Variants in DENND4C observed in about 807,000 individuals in gnomAD.
DENND4C encodes DENN domain-containing protein 4C.
DENND4C carries 108 observed loss-of-function variants against 203.0 expected under a neutral mutation model. That is an observed-to-expected ratio of 0.53 (90% CI 0.46 to 0.62). The LOEUF (loss-of-function observed/expected upper bound fraction) is 0.62, where lower values mean the gene tolerates loss of function less well. Among genes scored for constraint, DENND4C ranks in the 20% least tolerant of loss-of-function variants. DENND4C has a pLI of 0.00. For missense variants in DENND4C, 2,481 were observed against 2,301.2 expected, an observed-to-expected ratio of 1.08 and a Z score of -1.60; for synonymous variants, 871 against 792.4, an observed-to-expected ratio of 1.10 and a Z score of -1.67.
intron 30 of DENND4C, among the ~76,000 whole-genome samples, chr9:19,362,785 G>A (rs905682516): frequency 6.6e-6 from 1 of 152,100 alleles, no homozygotes; most frequent in African/African-American, 2.4e-5. Flanking sequence ...AAGGGTTCTG[G>A]CTTCATTTTT....
chr9:19,285,068 A>AT (rs1834914243), intron 2 of DENND4C, among the ~76,000 whole-genome samples: 1 of 151,902 alleles, frequency 6.6e-6, no homozygotes, highest in African/African-American at 2.4e-5. Flanking sequence ...ACAGAATTTT[A>AT]TTTTTTTCCA....
At chr9:19,364,059 C>T (rs1020239071) in intron 30 of DENND4C, among the ~76,000 whole-genome samples, 23 of 151,904 alleles carry the variant, frequency 1.5e-4, no homozygotes, top group African/African-American at 2.9e-4. Flanking sequence ...GGCTTACGCC[C>T]GTAACCACAA....
At chr9:19,300,359 A>G (rs780541748) in intron 9 of DENND4C, 28 bp downstream of exon 9, 3 of 1,473,270 alleles carry the variant, frequency 2.0e-6, no homozygotes, top group South Asian at 3.0e-5. Context: ...CTTTTAGTAC[A>G]AAATTACTGA....
At chr9:19,313,087 CT>C (rs1841064522) in intron 10 of DENND4C, among the ~76,000 whole-genome samples, 1 of 151,930 alleles carries the variant, frequency 6.6e-6, no homozygotes, top group African/African-American at 2.4e-5. Context: ...ATGAATTATT[CT>C]GTTTTTTTCC....
intron 10 of DENND4C, among the ~76,000 whole-genome samples, chr9:19,313,149 T>C (rs1225048727): frequency 6.6e-6 from 1 of 152,234 alleles, no homozygotes; most frequent in Non-Finnish European, 1.5e-5. Flanking sequence ...TTCATATTTA[T>C]GTTCCTTTAA....
chr9:19,272,291 A>T lies in DENND4C; in HGVS notation c.-17-3867A>T, dbSNP rs541351330. ...CAAAATTAGCCAGGCGTGGTGGGAC[A>T]TGCCTGTAATCCCAGCTACTCAGGA... On this transcript the variant is annotated intron_variant, in intron 1 of 32. Coordinates refer to ENST00000434457, the MANE Select transcript of DENND4C (RefSeq NM_001330640.2). 2.0e-5 allele frequency among the ~76,000 whole-genome samples: 3 copies of T among 151,844 alleles called. No individual in the cohort carries two copies. In the South Asian group the frequency reaches 6.3e-4, roughly 32 times the overall value.
At chr9:19,302,207 A>G (rs565126508) in intron 9 of DENND4C, among the ~76,000 whole-genome samples, 1 of 152,376 alleles carries the variant, frequency 6.6e-6, no homozygotes, top group Non-Finnish European at 1.5e-5. Context: ...TTTGAAGAAG[A>G]GAACATTGAA....
At chr9:19,288,872 T>A (rs1290455166) in intron 4 of DENND4C, among the ~76,000 whole-genome samples, 1 of 152,232 alleles carries the variant, frequency 6.6e-6, no homozygotes, top group Non-Finnish European at 1.5e-5. Flanking sequence ...ATGCTGTTAA[T>A]TTAATTTAAA....
intron 1 of DENND4C, among the ~76,000 whole-genome samples, chr9:19,268,108 T>C (rs1361414266): frequency 6.6e-6 from 1 of 151,852 alleles, no homozygotes; most frequent in East Asian, 1.9e-4. Flanking sequence ...TGGGTATTTT[T>C]TTTTTTTCCC....
At chr9:19,245,293 C>T (rs1275440267) in intron 1 of DENND4C, among the ~76,000 whole-genome samples, 1 of 151,072 alleles carries the variant, frequency 6.6e-6, no homozygotes, top group Non-Finnish European at 1.5e-5. Context: ...AAGGTGAAAC[C>T]CCGCCTCTAC....
intron 16 of DENND4C, among the ~76,000 whole-genome samples, 163 bp from the exon 17 acceptor site, chr9:19,331,815 A>G (rs764847244): frequency 6.6e-6 from 1 of 152,240 alleles, no homozygotes; most frequent in Non-Finnish European, 1.5e-5. Flanking sequence ...CAGGGGAACC[A>G]TTAACACTGA....
chr9:19,250,649 G>A (rs1826334317), intron 1 of DENND4C, among the ~76,000 whole-genome samples: 1 of 150,636 alleles, frequency 6.6e-6, no homozygotes, highest in South Asian at 2.1e-4. Context: ...GTTACTTCCT[G>A]GATTCAATGG....
In DENND4C at chr9:19,276,402, C is replaced by G. The variant is rs1382773513; in HGVS notation, c.228C>G (p.Asn76Lys). 6 of 1,231,958 alleles carry G rather than the reference C, an allele frequency of 4.9e-6. No homozygotes were observed. The African/African-American group carries it at 7.8e-5, about 16-fold the overall frequency. The allele number at this position is 1,231,958 out of a possible 1,614,324, so 76.3% of individuals were successfully genotyped here. ...CATCAGCTCTCCAAGCAAACTTGAA[C>G]TATGGAAGTCTGAAAAGCCCAGAAC... ...ATPSALQANL[N>K]YGSLKSPELF... is the part of the protein sequence containing the mutation. The change falls in exon 2 of 33, where the codon AAC becomes AAG. Residue 76 changes from asparagine to lysine, a missense_variant. Around this residue, in one of 3 missense-constraint regions of DENND4C, gnomAD observed 187 missense variants for 167.4 expected, o/e 1.12. Transcript: ENST00000434457.
rs560813174 is a variant in DENND4C at position 19,345,978 on chromosome 9, G to A, written c.3209G>A (p.Gly1070Asp). 2 of 1,614,006 alleles carry A rather than the reference G, an allele frequency of 1.2e-6. No individual in the cohort carries two copies. Among genetic ancestry groups the A allele is most frequent in the African/African-American group, 2.7e-5 (2 of 75,032 alleles). Residue 1070 changes from glycine (G) to aspartate (D), a missense_variant, in exon 23 of 33, where the codon GGC becomes GAC. Gly to Asp is a moderately conservative substitution (Grantham distance 94, BLOSUM62 -1). Around this residue, in one of 3 missense-constraint regions of DENND4C, gnomAD observed 2,289 missense variants for 2,113.3 expected, o/e 1.08. Transcript: ENST00000434457. ...GATCCAGTTGAAGATGCAGTCTTTG[G>A]CGAAGCTACTAATCTCAAGAAGAAT... ...TQDPVEDAVF[G>D]EATNLKKNGD...
intron 1 of DENND4C, among the ~76,000 whole-genome samples, chr9:19,270,468 T>C (rs1201693825): frequency 3.3e-5 from 5 of 152,210 alleles, no homozygotes; most frequent in Non-Finnish European, 1.5e-5. Context: ...GTGGATGAGC[T>C]CATACCCAAG....
intron 1 of DENND4C, among the ~76,000 whole-genome samples, chr9:19,258,065 C>T (rs1424266641): frequency 6.6e-6 from 1 of 152,058 alleles, no homozygotes; most frequent in Non-Finnish European, 1.5e-5. Context: ...CTGCAGTGAG[C>T]TGTCATTGTG....
intron 30 of DENND4C, among the ~76,000 whole-genome samples, chr9:19,369,055 A>T (rs991196761): frequency 6.7e-6 from 1 of 150,020 alleles, no homozygotes; most frequent in Non-Finnish European, 1.5e-5. Flanking sequence ...GAGGCTGAGC[A>T]GGGAGGACTG....
chr9:19,276,143 C>G lies in DENND4C; in HGVS notation c.-17-15C>G. 5.9e-6 allele frequency: 7 copies of G among 1,196,206 alleles called. No homozygotes were observed. The highest frequency in any genetic ancestry group is 7.3e-6 in the Non-Finnish European group (7 of 955,426). 74.1% of individuals were successfully genotyped at this position (1,196,206 alleles called of 1,614,324 possible). ...GTATTTTATTTTATTGGTATCTTTC[C>G]CCTCCCTCTTCTAGAAAATACAGTA... is the stretch of plus-strand genomic sequence containing the variant. On this transcript the variant is annotated splice_polypyrimidine_tract_variant and intron_variant, in intron 1 of 32. Transcript: ENST00000434457.
At chr9:19,249,771 C>G (rs1439742795) in intron 1 of DENND4C, among the ~76,000 whole-genome samples, 3 of 152,162 alleles carry the variant, frequency 2.0e-5, no homozygotes, top group Admixed American at 2.0e-4. Context: ...AATCCTCTTG[C>G]CTCAGCCTCC....
Sources: allele counts gnomAD v4.1 joint callset (sites outside exome capture counted in the v4.1 genomes callset), GRCh38; gene constraint gnomAD v4.1.1; regional missense constraint gnomAD v4.1.1; transcripts MANE v1.5; gene names NCBI Gene and HGNC (gene_info 2026-07-23, HGNC 2026-07-21).